Variants in NXPE3 observed in about 807,000 individuals in gnomAD.
NXPE3 encodes the protein NXPE family member 3.
Under a neutral mutation model 46.1 loss-of-function variants are expected in NXPE3, and 26 were observed. That is an observed-to-expected ratio of 0.56 (90% CI 0.41 to 0.78). NXPE3 has a LOEUF of 0.78. Among genes scored for constraint, NXPE3 ranks in the 30% least tolerant of loss-of-function variants. The pLI is 0.00. For missense variants in NXPE3, 620 were observed against 686.0 expected (o/e 0.90, Z 1.07); for synonymous variants, 272 against 257.9 (o/e 1.05, Z -0.52).
intron 4 of NXPE3, among the ~76,000 whole-genome samples, chr3:101,788,636 G>A (rs576233638): frequency 1.4e-4 from 22 of 151,838 alleles, no homozygotes; most frequent in African/African-American, 4.6e-4. Flanking sequence ...TTTTTTTTGA[G>A]ACGGAGTCTT....
chr3:101,810,809 G>T (rs1941670314), intron 6 of NXPE3, among the ~76,000 whole-genome samples: 1 of 151,878 alleles, frequency 6.6e-6, no homozygotes, highest in Non-Finnish European at 1.5e-5. Context: ...CAACTTGAAT[G>T]AACTTTTTTT....
At chr3:101,811,645 G>A (rs1250868742) in intron 6 of NXPE3, among the ~76,000 whole-genome samples, 4 of 151,822 alleles carry the variant, frequency 2.6e-5, no homozygotes, top group Non-Finnish European at 4.4e-5. Flanking sequence ...TCTTCATCTA[G>A]CATTTTCCCT....
intron 4 of NXPE3, 117 bp downstream of exon 4, chr3:101,785,806 C>G (rs1171943307): frequency 1.3e-6 from 1 of 791,894 alleles, no homozygotes; most frequent in Non-Finnish European, 2.2e-6. Flanking sequence ...TTCTTGTTTT[C>G]ATTTATTCGG....
chr3:101,790,550 C>T (rs1194622320), intron 4 of NXPE3, among the ~76,000 whole-genome samples: 4 of 152,080 alleles, frequency 2.6e-5, no homozygotes, highest in Non-Finnish European at 5.9e-5. Context: ...CTCTAGCTTT[C>T]CTTTGTTTGC....
intron 4 of NXPE3, among the ~76,000 whole-genome samples, chr3:101,791,794 T>C (rs1940533702): frequency 6.6e-6 from 1 of 150,586 alleles, no homozygotes. Context: ...TCTATTCCTC[T>C]AGGTATACAC....
At chr3:101,785,775 G>A (rs898842637) in intron 4 of NXPE3, 86 bp downstream of exon 4, 37 of 1,068,534 alleles carry the variant, frequency 3.5e-5, no homozygotes, top group Non-Finnish European at 4.8e-5. Context: ...GTTGGTTATC[G>A]GAAGATTATC....
intron 7 of NXPE3, among the ~76,000 whole-genome samples, chr3:101,818,736 TATATATATATATATA>T (rs1942088465): frequency 6.3e-5 from 2 of 31,748 alleles, no homozygotes; most frequent in African/African-American, 2.3e-4. Flanking sequence ...TATATATATA[TATATATATATATATA>T]TATTTTTTTT....
At chr3:101,799,346 C>A (rs1224094868) in intron 4 of NXPE3, among the ~76,000 whole-genome samples, 1 of 152,026 alleles carries the variant, frequency 6.6e-6, no homozygotes, top group Non-Finnish European at 1.5e-5. Flanking sequence ...GTATCTAGTC[C>A]TTTTATTTCC....
chr3:101,821,078 A>T (rs1000979281), intron 7 of NXPE3, among the ~76,000 whole-genome samples: 4 of 152,226 alleles, frequency 2.6e-5, no homozygotes, highest in African/African-American at 9.6e-5. Flanking sequence ...AAATAGCAAC[A>T]TTTCTTGGCC....
In NXPE3 at chr3:101,821,411, GGA is replaced by G. The variant is rs756603058; in HGVS notation, c.1139_1140del (p.Glu380ValfsTer2). The G allele has an allele frequency of 6.2e-7, 1 of 1,611,086 alleles. No homozygotes were observed. Among genetic ancestry groups the G allele is most frequent in the Non-Finnish European group, 8.5e-7 (1 of 1,177,556 alleles). On this transcript the variant is annotated frameshift_variant, in exon 8 of 8. Coordinates refer to ENST00000273347, the MANE Select transcript of NXPE3 (RefSeq NM_145037.4). LOFTEE classifies it high-confidence loss of function. ...GAGTTTTCCTTGTTTCAGATTTAGT[GGA>G]GTTTAACTTGGGTAGTCCCAAGAAT... ...YLTTFVPDLV[E>X]FNLGSPKNVG...
chr3:101,801,659 T>C lies in NXPE3; in HGVS notation c.518T>C (p.Phe173Ser). ...DYQNGFYKVF[F>S]TLLWPGKVKV... ...CAGAATGGGTTTTACAAGGTTTTCT[T>C]TACTTTGCTATGGCCAGGCAAAGTT... Residue 173 changes from phenylalanine to serine, a missense_variant, in exon 5 of 8, where the codon TTT becomes TCT. Physicochemically the swap from Phe to Ser is radical, Grantham distance 155. This residue lies in a region of NXPE3 where 511 missense variants were observed against 528.6 expected (regional missense o/e 0.97). Transcript: ENST00000273347. 1 of 1,614,218 alleles carries C rather than the reference T, an allele frequency of 6.2e-7. No homozygotes were observed. The highest frequency in any genetic ancestry group is 8.5e-7 in the Non-Finnish European group (1 of 1,180,046).
In NXPE3 at chr3:101,822,025, C is replaced by T; in HGVS notation, c.*71C>T. On this transcript the variant is annotated 3_prime_UTR_variant, in exon 8 of 8. Transcript: ENST00000273347. Reference sequence around the variant, plus strand: ...AATTGACCTGAGTTACAGAAAGTGGCCCCAGTGAGAGATGACTGCCCTTAA... The same window carrying T: ...AATTGACCTGAGTTACAGAAAGTGGTCCCAGTGAGAGATGACTGCCCTTAA... 1 of 1,422,854 alleles carries T rather than the reference C, an allele frequency of 7.0e-7. No homozygotes were observed. Among genetic ancestry groups the T allele is most frequent in the South Asian group, 1.3e-5 (1 of 77,638 alleles). The allele number at this position is 1,422,854 out of a possible 1,614,324, so 88.1% of individuals were successfully genotyped here.
At position 101,801,759 on chromosome 3, in the gene NXPE3, C is replaced by T. The variant is rs761013796; in HGVS notation, c.618C>T (p.Asp206=). 1 of 1,614,190 alleles carries T rather than the reference C, an allele frequency of 6.2e-7. No homozygotes were observed. The highest frequency in any genetic ancestry group is 8.5e-7 in the Non-Finnish European group (1 of 1,180,032). Residue 206 remains aspartate, a synonymous_variant, in exon 5 of 8, where the codon GAC becomes GAT. Coordinates refer to ENST00000273347, the MANE Select transcript of NXPE3 (RefSeq NM_145037.4). ...VLQRLQEDKP[D]RVYFKSLFRS... ...AGCGCTTACAGGAAGATAAACCAGA[C>T]AGGGTCTATTTCAAGAGTCTCTTCC...
intron 4 of NXPE3, among the ~76,000 whole-genome samples, chr3:101,798,844 G>A (rs1469007689): frequency 2.0e-5 from 3 of 151,918 alleles, no homozygotes; most frequent in African/African-American, 4.8e-5. Context: ...GAACTCTTGA[G>A]CTCAAACGAT....
rs554813235 is a variant in NXPE3, at chr3:101,801,669, A to G, written c.528A>G (p.Leu176=). Residue 176 remains leucine, a synonymous_variant, in exon 5 of 8, where the codon CTA becomes CTG. Transcript: ENST00000273347. ...TTTACAAGGTTTTCTTTACTTTGCT[A>G]TGGCCAGGCAAAGTTAAAGTATCCG... is the stretch of plus-strand genomic sequence containing the variant. ...NGFYKVFFTL[L]WPGKVKVSVS... The G allele has an allele frequency of 6.2e-6, 10 of 1,614,182 alleles. No individual in the cohort carries two copies. In the African/African-American group the frequency reaches 8.0e-5, roughly 13 times the overall value.
chr3:101,780,038 C>G (rs1006443362), intron 1 of NXPE3: 1 of 152,172 alleles, frequency 6.6e-6, no homozygotes, highest in Non-Finnish European at 1.5e-5. Flanking sequence ...AGCATTTGTG[C>G]AAAATTGTAA....
At chr3:101,820,997 C>T (rs1375879926) in intron 7 of NXPE3, among the ~76,000 whole-genome samples, 1 of 151,906 alleles carries the variant, frequency 6.6e-6, no homozygotes, top group Admixed American at 6.6e-5. Context: ...CGTGCACTCC[C>T]AAACCTAAAA....
Position 101,807,136 on chromosome 3 carries a change from A to C in NXPE3, c.922+10A>C, listed in dbSNP as rs1242449608. ...CCCAGGAGAATAAAAGGTAAAAAAAAGAATAAGCTTGATGATTTGTTGTTT... is the reference window on the plus strand; with the variant it reads ...CCCAGGAGAATAAAAGGTAAAAAAACGAATAAGCTTGATGATTTGTTGTTT... On this transcript the variant is annotated intron_variant, in intron 6 of 7. Transcript: ENST00000273347. 2 of 1,602,692 alleles carry C rather than the reference A, an allele frequency of 1.2e-6. No individual in the cohort carries two copies. The highest frequency in any genetic ancestry group is 1.7e-6 in the Non-Finnish European group (2 of 1,170,054).
At chr3:101,810,960 C>T (rs1297088819) in intron 6 of NXPE3, among the ~76,000 whole-genome samples, 1 of 151,918 alleles carries the variant, frequency 6.6e-6, no homozygotes, top group East Asian at 1.9e-4. Context: ...CTCCCAAGTA[C>T]CTGGGATTAC....
Sources: gnomAD v4.1 joint callset for allele counts (sites outside exome capture counted in the v4.1 genomes callset) on GRCh38, gnomAD v4.1.1 for gene constraint, gnomAD v4.1.1 regional missense constraint, MANE v1.5 for transcripts, NCBI Gene and HGNC (gene_info 2026-07-23, HGNC 2026-07-21) for gene names.